The following POLR1B variants were observed in gnomAD, a reference collection of about 807,000 sequenced individuals.
POLR1B encodes DNA-directed RNA polymerase I subunit RPA2.
In POLR1B, 30 loss-of-function variants were observed where a neutral mutation model predicts 105.8. The observed-to-expected ratio is 0.28, with a 90% confidence interval of 0.21 to 0.38. The LOEUF (loss-of-function observed/expected upper bound fraction) is 0.38, where lower values mean the gene tolerates loss of function less well. Ranked by LOEUF, POLR1B falls within the 10% of genes least tolerant of loss-of-function variation. The pLI is 1.00. For synonymous variants in POLR1B, 485 were observed against 505.1 expected (o/e 0.96, Z 0.53); for missense variants, 976 against 1,435.8 (o/e 0.68, Z 5.17).
intron 12 of POLR1B, among the ~76,000 whole-genome samples, chr2:112,571,952 T>C (rs1216285555): frequency 6.6e-6 from 1 of 152,224 alleles, no homozygotes; most frequent in Non-Finnish European, 1.5e-5. Context: ...GTGTTGAGGG[T>C]GGTCTAGTAA....
chr2:112,563,734 C>CA (rs946852992), intron 9 of POLR1B, among the ~76,000 whole-genome samples: 56 of 147,642 alleles, frequency 3.8e-4, no homozygotes, highest in African/African-American at 1.1e-3. Context: ...CCTGTCTCTA[C>CA]AAAAAAAAAA....
chr2:112,546,544 CTT>C (rs869087985), intron 1 of POLR1B, among the ~76,000 whole-genome samples: 1 of 53,188 alleles, frequency 1.9e-5, no homozygotes, highest in Non-Finnish European at 3.1e-5. Context: ...CTGGAGGTAG[CTT>C]TTTTTTTTTT....
At chr2:112,571,789 A>C (rs904069710) in intron 12 of POLR1B, among the ~76,000 whole-genome samples, 1 of 152,234 alleles carries the variant, frequency 6.6e-6, no homozygotes, top group African/African-American at 2.4e-5. Flanking sequence ...ACACTGGGCC[A>C]TAAGGCAAAA....
At chr2:112,544,205 T>A (rs1574085689) in intron 1 of POLR1B, among the ~76,000 whole-genome samples, 1 of 151,214 alleles carries the variant, frequency 6.6e-6, no homozygotes, top group Non-Finnish European at 1.5e-5. Flanking sequence ...TCAAGGCGGG[T>A]GGATCACTTG....
At chr2:112,567,099 T>C (rs1045662654) in intron 10 of POLR1B, among the ~76,000 whole-genome samples, 3 of 152,166 alleles carry the variant, frequency 2.0e-5, no homozygotes, top group Non-Finnish European at 4.4e-5. Flanking sequence ...TCTTAGTAAA[T>C]TTCAAGCATG....
chr2:112,556,495 C>T (rs1432545936), intron 7 of POLR1B, among the ~76,000 whole-genome samples: 1 of 152,164 alleles, frequency 6.6e-6, no homozygotes, highest in Non-Finnish European at 1.5e-5. Flanking sequence ...ATATTAAATG[C>T]AGTGTCAGTG....
chr2:112,546,065 G>A (rs1401492724), intron 1 of POLR1B: 1 of 160,542 alleles, frequency 6.2e-6, no homozygotes, highest in African/African-American at 2.4e-5. Context: ...TTCTTTCTTG[G>A]TTCCATTTTT....
chr2:112,565,039 T>G (rs1684201031), intron 10 of POLR1B, among the ~76,000 whole-genome samples: 1 of 152,230 alleles, frequency 6.6e-6, no homozygotes, highest in Admixed American at 6.5e-5. Flanking sequence ...TGTGTTTTTA[T>G]TTTTAAAAAA....
At position 112,564,461 on chromosome 2, in the gene POLR1B, C is replaced by A; in HGVS notation, c.1708C>A (p.Leu570Ile). 15 of 1,614,262 alleles carry A rather than the reference C, an allele frequency of 9.3e-6. No individual in the cohort carries two copies. The highest frequency in any genetic ancestry group is 2.2e-5 in the South Asian group (2 of 91,090). Residue 570 changes from leucine to isoleucine, a missense_variant, in exon 10 of 15, where the codon CTT (leucine) becomes ATT (isoleucine). Leu to Ile is a conservative substitution (Grantham distance 5). Transcript: ENST00000263331. The stretch of plus-strand genomic sequence containing the variant: ...CATGGTTGGCTGGGTGGATAAGGAT[C>A]TTGCTCCAGGCATCGCAGATTCTCT... ...GVMVGWVDKDLAPGIADSLRH... is the reference protein window; with the variant it reads ...GVMVGWVDKDIAPGIADSLRH...
At chr2:112,549,841 C>T (rs11676962) in intron 4 of POLR1B, among the ~76,000 whole-genome samples, 82,207 of 151,916 alleles carry the variant, frequency 0.54, 22,520 homozygotes, top group Middle Eastern at 0.68. Context: ...TTAAGTGTCT[C>T]AACCACACAC....
At chr2:112,568,994 C>T in intron 12 of POLR1B, 92 bp downstream of exon 12, 1 of 1,315,672 alleles carries the variant, frequency 7.6e-7, no homozygotes, top group Non-Finnish European at 1.0e-6. Flanking sequence ...ATATGCTGAC[C>T]ATTTGTTCCA....
chr2:112,575,490 C>T lies in POLR1B; in HGVS notation c.3169C>T (p.Arg1057Cys). The change falls in exon 15 of 15, where the codon CGC becomes TGC. Residue 1057 changes from arginine to cysteine, a missense_variant. Arg to Cys is a radical substitution (Grantham distance 180). Transcript: ENST00000263331. The surrounding 1 kb of genome is among the most constrained non-coding windows in gnomAD (Gnocchi z 5.3). ...AHGTSFLLHD[R>C]LFNCSDRSVA... ...TGGTACATCTTTTCTCCTTCATGAC[C>T]GCCTCTTCAACTGCTCAGATCGGTC... The T allele has an allele frequency of 1.9e-6, 3 of 1,614,112 alleles. No individual in the cohort carries two copies. The highest frequency in any genetic ancestry group is 1.7e-5 in the Admixed American group (1 of 60,016).
At chr2:112,542,253 AAGGG>A, upstream of POLR1B, 1 of 1,534,794 alleles carries the variant, frequency 6.5e-7, no homozygotes, top group Non-Finnish European at 8.7e-7. Flanking sequence ...ATATGGGAGA[AAGGG>A]AGGGCCCGCC....
At chr2:112,552,555 A>C (rs1267833224) in intron 6 of POLR1B, 90 bp from the exon 7 acceptor site, 2 of 1,296,600 alleles carry the variant, frequency 1.5e-6, no homozygotes, top group Admixed American at 2.7e-5. Flanking sequence ...AAAGTTAAGT[A>C]AGCATGAGTT....
At position 112,561,419 on chromosome 2, in the gene POLR1B, C is replaced by CTG. The variant is rs1197678070; in HGVS notation, c.1612+1845_1612+1846insTG. Among the ~76,000 whole-genome samples the CTG allele has an allele frequency of 5.3e-4, 80 of 152,096 alleles. 2 individuals are homozygous for CTG. Among genetic ancestry groups the CTG allele is most frequent in the African/African-American group, 1.9e-3 (77 of 41,494 alleles). On this transcript the variant is annotated intron_variant, in intron 9 of 14. Coordinates refer to ENST00000263331, the MANE Select transcript of POLR1B (RefSeq NM_019014.6). ...AGGTAACTTCTGACACTCTAACAAA[C>CTG]ACTTGATGTCTTCAGAATGTATTTA...
rs377029116 is a variant in POLR1B at position 112,551,833 on chromosome 2, A to G, written c.821A>G (p.Asp274Gly). ...IFQELIKGKE[D>G]DSFLRNSVSQ... is the part of the protein sequence containing the mutation. ...CAGGAGCTCATCAAAGGAAAAGAGG[A>G]TGATTCTTTCCTTAGGAACTCTGTT... Residue 274 changes from aspartate to glycine, a missense_variant, in exon 6 of 15, where the codon GAT (aspartate) becomes GGT (glycine). Asp to Gly is a moderately conservative substitution (Grantham distance 94). Around this residue, in one of 12 missense-constraint regions of POLR1B, gnomAD observed 452 missense variants for 616.5 expected, o/e 0.73. Transcript: ENST00000263331. 2.0e-5 allele frequency: 32 copies of G among 1,614,180 alleles called. No homozygotes were observed. In the African/African-American group the frequency reaches 4.1e-4, roughly 21 times the overall value.
chr2:112,552,131 T>TA, intron 6 of POLR1B, 133 bp downstream of exon 6: 2 of 636,468 alleles, frequency 3.1e-6, no homozygotes, highest in Admixed American at 6.6e-5. Context: ...TGGTCCTTGC[T>TA]AGCCGGGGGC....
intron 13 of POLR1B, 34 bp downstream of exon 13, chr2:112,572,792 T>C (rs758258157): frequency 6.7e-7 from 1 of 1,497,582 alleles, no homozygotes; most frequent in Non-Finnish European, 9.0e-7. Context: ...TTCCAATCTT[T>C]TTATTTTTTA....
intron 9 of POLR1B, among the ~76,000 whole-genome samples, chr2:112,560,424 A>C (rs1207689483): frequency 6.6e-6 from 1 of 152,104 alleles, no homozygotes. Flanking sequence ...GTTTAAAAGG[A>C]GGTTTCCCAG....
Sources: allele counts gnomAD v4.1 joint callset (sites outside exome capture counted in the v4.1 genomes callset), GRCh38; gene constraint gnomAD v4.1.1; regional missense constraint gnomAD v4.1.1; non-coding constraint Gnocchi (gnomAD v3.1); transcripts MANE v1.5; gene names NCBI Gene and HGNC (gene_info 2026-07-23, HGNC 2026-07-21).